The following SHANK2 variants were observed in gnomAD, a reference collection of about 807,000 sequenced individuals.
SHANK2 encodes the protein SH3 and multiple ankyrin repeat domains protein 2.
SHANK2 carries 43 observed loss-of-function variants against 133.7 expected under a neutral mutation model. The ratio of observed to expected loss-of-function variants is 0.32; its 90% CI spans 0.25 to 0.41. The LOEUF (loss-of-function observed/expected upper bound fraction) is 0.41, where lower values mean the gene tolerates loss of function less well. SHANK2 is among the 10% of genes least tolerant of loss of function. SHANK2 has a pLI of 1.00. For synonymous variants in SHANK2, 1,017 were observed against 952.8 expected, an observed-to-expected ratio of 1.07 and a Z score of -1.24; for missense variants, 1,994 against 2,235.8, an observed-to-expected ratio of 0.89 and a Z score of 2.18.
chr11:71,137,849 C>T (rs1197383000), intron 3 of SHANK2, among the ~76,000 whole-genome samples: 1 of 152,230 alleles, frequency 6.6e-6, no homozygotes, highest in Non-Finnish European at 1.5e-5. Context: ...ACACCCAGCT[C>T]TCACCTTGCA....
chr11:71,186,167 A>C (rs1030879263), intron 2 of SHANK2, among the ~76,000 whole-genome samples: 1 of 152,194 alleles, frequency 6.6e-6, no homozygotes, highest in Non-Finnish European at 1.5e-5. Context: ...CATTCACCTT[A>C]CTGTCACTGA....
chr11:70,764,825 T>TTCCATCCATCCA (rs67258133), intron 14 of SHANK2, among the ~76,000 whole-genome samples: 44 of 149,818 alleles, frequency 2.9e-4, no homozygotes, highest in African/African-American at 1.0e-3. Context: ...GCCTCCTCTC[T>TTCCATCCATCCA]TCCATCCATC....
At chr11:70,475,904 T>C (rs1032501435) in intron 25 of SHANK2, among the ~76,000 whole-genome samples, 5 of 152,114 alleles carry the variant, frequency 3.3e-5, no homozygotes. Context: ...TCCTCCACTG[T>C]TTCTGGGCCC....
chr11:70,815,482 A>G (rs927009353), intron 12 of SHANK2, among the ~76,000 whole-genome samples: 2 of 151,876 alleles, frequency 1.3e-5, no homozygotes, highest in African/African-American at 4.8e-5. Context: ...CCCAGCGGAC[A>G]CTCACCATCC....
At chr11:70,630,878 C>G (rs2060975545) in intron 17 of SHANK2, among the ~76,000 whole-genome samples, 1 of 152,214 alleles carries the variant, frequency 6.6e-6, no homozygotes, top group South Asian at 2.1e-4. Flanking sequence ...CCCCAGGACA[C>G]CAGCACAAAG....
intron 25 of SHANK2, among the ~76,000 whole-genome samples, chr11:70,482,316 G>C (rs782644582): frequency 2.0e-5 from 3 of 151,244 alleles, no homozygotes; most frequent in Non-Finnish European, 4.4e-5. Flanking sequence ...TGACCTCCTA[G>C]TGACTAAGCC....
rs117279872 is a variant in SHANK2 at position 71,106,953 on chromosome 11, G to A, written c.592+2988C>T. 1.2e-3 allele frequency among the ~76,000 whole-genome samples: 182 copies of A among 151,224 alleles called. 2 individuals carry two copies. In the East Asian group the frequency reaches 0.026, roughly 22 times the overall value. The stretch of plus-strand genomic sequence containing the variant: ...TGCCTGGGCAACATGGCAAAACCCC[G>A]TCTCTACAAAGAATACCTTGGTGTG... On this transcript the variant is annotated intron_variant, in intron 6 of 25. Transcript: ENST00000601538.
chr11:70,627,822 C>T (rs1454972234), intron 17 of SHANK2, among the ~76,000 whole-genome samples: 2 of 152,154 alleles, frequency 1.3e-5, no homozygotes, highest in African/African-American at 2.4e-5. Flanking sequence ...AATTTTATAC[C>T]TGTGGCATCA....
intron 17 of SHANK2, among the ~76,000 whole-genome samples, chr11:70,519,735 GTTTTTA>G (rs1345650713): frequency 6.6e-6 from 1 of 151,980 alleles, no homozygotes; most frequent in Non-Finnish European, 1.5e-5. Context: ...AATTACTATT[GTTTTTA>G]TTTTATTTTA....
At chr11:70,502,146 A>G (rs1555158756) in intron 19 of SHANK2, 60 bp downstream of exon 19, 3 of 1,521,142 alleles carry the variant, frequency 2.0e-6, no homozygotes, top group African/African-American at 2.8e-5. Context: ...GTGCTTTGCA[A>G]AGGGCAGCTC....
chr11:71,067,425 C>T (rs1450865642), intron 9 of SHANK2, among the ~76,000 whole-genome samples: 1 of 152,210 alleles, frequency 6.6e-6, no homozygotes, highest in Non-Finnish European at 1.5e-5. Context: ...AGGCTGCTCC[C>T]CTCCCTCTGG....
chr11:70,755,043 A>G (rs529909860), intron 14 of SHANK2, among the ~76,000 whole-genome samples: 67 of 152,098 alleles, frequency 4.4e-4, no homozygotes, highest in Non-Finnish European at 8.8e-4. Context: ...GTCCCGCACA[A>G]TTCCTATGTA....
chr11:70,791,811 C>T (rs1591849772), intron 14 of SHANK2, among the ~76,000 whole-genome samples: 1 of 152,196 alleles, frequency 6.6e-6, no homozygotes, highest in Non-Finnish European at 1.5e-5. Flanking sequence ...TGCCCAGTAA[C>T]TCCCTATCTG....
chr11:70,756,629 AC>A (rs1466878294), intron 14 of SHANK2, among the ~76,000 whole-genome samples: 33 of 152,044 alleles, frequency 2.2e-4, no homozygotes, highest in African/African-American at 6.8e-4. Context: ...ATCATACTGG[AC>A]CCTGCTTTCT....
chr11:70,496,690 A>G (rs2058976012), intron 21 of SHANK2, among the ~76,000 whole-genome samples: 1 of 152,166 alleles, frequency 6.6e-6, no homozygotes, highest in Non-Finnish European at 1.5e-5. Context: ...GGGGCAAACC[A>G]TGGGACCAGG....
chr11:70,856,975 G>A (rs1555066902), intron 11 of SHANK2, among the ~76,000 whole-genome samples: 2 of 152,204 alleles, frequency 1.3e-5, no homozygotes, highest in Admixed American at 1.3e-4. Flanking sequence ...TCCTTAGTCT[G>A]ACAGGGTTGG....
intron 14 of SHANK2, among the ~76,000 whole-genome samples, chr11:70,725,803 A>G (rs1591790101): frequency 6.6e-6 from 1 of 152,322 alleles, no homozygotes; most frequent in East Asian, 1.9e-4. Flanking sequence ...CAACTGAAAG[A>G]TGGTGTACAA....
chr11:70,496,878 TA>T, intron 21 of SHANK2: 2 of 443,320 alleles, frequency 4.5e-6, no homozygotes, highest in South Asian at 3.2e-5. Context: ...GGGGGCACCC[TA>T]CCCATCATCA....
At chr11:71,162,817 T>C (rs1953047561) in intron 2 of SHANK2, among the ~76,000 whole-genome samples, 1 of 151,898 alleles carries the variant, frequency 6.6e-6, no homozygotes, top group Non-Finnish European at 1.5e-5. Flanking sequence ...TCACGCCTGT[T>C]ATCCCAGCAC....
Sources: allele counts gnomAD v4.1 joint callset (sites outside exome capture counted in the v4.1 genomes callset), GRCh38; gene constraint gnomAD v4.1.1; transcripts MANE v1.5; gene names NCBI Gene and HGNC (gene_info 2026-07-23, HGNC 2026-07-21).